Variants in KCNMA1 observed in about 807,000 individuals in gnomAD.
The protein encoded by KCNMA1 is potassium calcium-activated channel subfamily M alpha 1, also known as Calcium-activated potassium channel subunit alpha-1.
KCNMA1 carries 29 observed loss-of-function variants against 140.0 expected under a neutral mutation model. The ratio of observed to expected loss-of-function variants is 0.21; its 90% CI spans 0.15 to 0.28. KCNMA1 has a LOEUF of 0.28. KCNMA1 is among the 10% of genes least tolerant of loss of function. The pLI is 1.00. For synonymous variants in KCNMA1, 612 were observed against 611.9 expected, an observed-to-expected ratio of 1.00 and a Z score of 0.00; for missense variants, 880 against 1,602.2, an observed-to-expected ratio of 0.55 and a Z score of 7.70.
At chr10:76,913,518 G>C (rs2051268338) in intron 24 of KCNMA1, 1 of 148,626 alleles carries the variant, frequency 6.7e-6, no homozygotes. Context: ...TATGGCTTCA[G>C]AACCAGAGCT....
chr10:77,527,496 C>T (rs1206138046), intron 1 of KCNMA1, among the ~76,000 whole-genome samples: 2 of 152,188 alleles, frequency 1.3e-5, no homozygotes, highest in Admixed American at 1.3e-4. Context: ...AGAGCCAACT[C>T]AGGGTCACTT....
rs745480508 is a variant in KCNMA1 at position 76,949,360 on chromosome 10, T to C, written c.2491A>G (p.Ser831Gly). ...KEIEKVILTR[S>G]EAAMTVLSGH... ...CTCAGGACGGTCATGGCAGCTTCAC[T>C]TCGAGTCTACAACAGGGAGAAGTGG... The change falls in exon 22 of 28, where the codon AGT becomes GGT. Residue 831 changes from serine to glycine, a missense_variant. Ser to Gly is a moderately conservative substitution (Grantham distance 56, BLOSUM62 0). Coordinates refer to ENST00000286628, the MANE Select transcript of KCNMA1 (RefSeq NM_001161352.2). 4.3e-6 allele frequency: 7 copies of C among 1,613,520 alleles called. No homozygotes were observed. The highest frequency in any genetic ancestry group is 5.9e-6 in the Non-Finnish European group (7 of 1,179,788).
At position 76,884,970 on chromosome 10, in the gene KCNMA1, G is replaced by A; in HGVS notation, c.*2296C>T. 1 of 1,547,002 alleles carries A rather than the reference G, an allele frequency of 6.5e-7. No individual in the cohort carries two copies. The highest frequency in any genetic ancestry group is 8.7e-7 in the Non-Finnish European group (1 of 1,145,250). On this transcript the variant is annotated 3_prime_UTR_variant, in exon 28 of 28. Transcript: ENST00000286628. ...CCCCCAGCAGTGGCTAGGTCATGCA[G>A]AACCATTAATTGTCATACCTTGGCC...
chr10:77,235,763 C>T (rs1054837518), intron 3 of KCNMA1, among the ~76,000 whole-genome samples: 1 of 152,178 alleles, frequency 6.6e-6, no homozygotes, highest in Non-Finnish European at 1.5e-5. Flanking sequence ...GATCAAAGGA[C>T]CCACTTCCAG....
intron 15 of KCNMA1, among the ~76,000 whole-genome samples, chr10:77,035,268 T>C (rs1028001950): frequency 5.9e-5 from 9 of 152,114 alleles, no homozygotes; most frequent in African/African-American, 2.2e-4. Flanking sequence ...TTATCCCCCA[T>C]CTGAATCAAA....
At chr10:77,616,100 T>C (rs1033842887) in intron 1 of KCNMA1, among the ~76,000 whole-genome samples, 1 of 152,180 alleles carries the variant, frequency 6.6e-6, no homozygotes, top group Non-Finnish European at 1.5e-5. Context: ...CTTTGACCAA[T>C]TCCAAACTAG....
intron 5 of KCNMA1, among the ~76,000 whole-genome samples, chr10:77,180,145 C>T (rs866673894): frequency 2.2e-4 from 34 of 152,202 alleles, no homozygotes; most frequent in Admixed American, 8.5e-4. Flanking sequence ...GGATAGACTT[C>T]GGTTTCCTGC....
intron 1 of KCNMA1, among the ~76,000 whole-genome samples, chr10:77,558,716 A>C (rs1007846943): frequency 1.1e-4 from 17 of 152,278 alleles, no homozygotes; most frequent in African/African-American, 4.1e-4. Flanking sequence ...GCTGCATCTC[A>C]TCTGAAGAGA....
intron 1 of KCNMA1, among the ~76,000 whole-genome samples, chr10:77,566,192 T>C (rs951924459): frequency 6.6e-6 from 1 of 152,084 alleles, no homozygotes; most frequent in Non-Finnish European, 1.5e-5. Flanking sequence ...CCAACCCAAA[T>C]GAAATCCCAT....
intron 1 of KCNMA1, among the ~76,000 whole-genome samples, chr10:77,619,743 T>G (rs2090811855): frequency 6.6e-6 from 1 of 151,780 alleles, no homozygotes; most frequent in East Asian, 1.9e-4. Context: ...GTATAGAAAA[T>G]AGGGCTGCAG....
At chr10:77,520,024 ATGCAGTGTGAGGGTG>A (rs111846649) in intron 1 of KCNMA1, among the ~76,000 whole-genome samples, 32,070 of 62,342 alleles carry the variant, frequency 0.51, 8,743 homozygotes, top group East Asian at 0.75. Context: ...GGGCTGGGGT[ATGCAGTGTGAGGGTG>A]TGCAGTGTGA....
intron 14 of KCNMA1, among the ~76,000 whole-genome samples, chr10:77,048,058 G>T (rs2095174832): frequency 6.7e-6 from 1 of 150,320 alleles, no homozygotes; most frequent in Admixed American, 6.7e-5. Context: ...CAAGGCAGGA[G>T]GATCGTTTGA....
At chr10:76,935,330 C>A (rs1478038644) in intron 23 of KCNMA1, among the ~76,000 whole-genome samples, 1 of 152,230 alleles carries the variant, frequency 6.6e-6, no homozygotes, top group African/African-American at 2.4e-5. Flanking sequence ...GCCCCCATGA[C>A]CCTTGAAAGT....
At chr10:77,443,548 C>T (rs1300051796) in intron 1 of KCNMA1, among the ~76,000 whole-genome samples, 4 of 152,162 alleles carry the variant, frequency 2.6e-5, no homozygotes, top group Non-Finnish European at 5.9e-5. Flanking sequence ...CTGCCTGGCA[C>T]TGCATTGGCT....
intron 2 of KCNMA1, among the ~76,000 whole-genome samples, chr10:77,319,276 C>T (rs961925734): frequency 6.6e-6 from 1 of 152,170 alleles, no homozygotes; most frequent in African/African-American, 2.4e-5. Context: ...ATCACCACCC[C>T]ATGCCATTGC....
intron 3 of KCNMA1, among the ~76,000 whole-genome samples, chr10:77,231,900 A>G (rs886937732): frequency 6.6e-6 from 1 of 152,206 alleles, no homozygotes; most frequent in East Asian, 1.9e-4. Context: ...AAACACTTTC[A>G]TCACCTCAAA....
intron 25 of KCNMA1, among the ~76,000 whole-genome samples, chr10:76,892,772 T>G (rs1406038523): frequency 6.6e-6 from 1 of 152,198 alleles, no homozygotes; most frequent in African/African-American, 2.4e-5. Context: ...TTCTGGACTT[T>G]GATTTTTCTC....
At chr10:77,089,536 A>C (rs904332735) in intron 10 of KCNMA1, among the ~76,000 whole-genome samples, 2 of 152,174 alleles carry the variant, frequency 1.3e-5, no homozygotes, top group Non-Finnish European at 2.9e-5. Context: ...CATTGGGTAG[A>C]AGGGAGATAC....
chr10:76,882,048 A>T (rs2034891434), downstream of KCNMA1, among the ~76,000 whole-genome samples: 1 of 152,188 alleles, frequency 6.6e-6, no homozygotes, highest in Non-Finnish European at 1.5e-5. Flanking sequence ...CTCCAGCCAC[A>T]GGGCTGCAGG....
Sources: allele counts gnomAD v4.1 joint callset (sites outside exome capture counted in the v4.1 genomes callset), GRCh38; gene constraint gnomAD v4.1.1; transcripts MANE v1.5; gene names NCBI Gene and HGNC (gene_info 2026-07-23, HGNC 2026-07-21).